Variants in SNRPD3 observed in about 807,000 individuals in gnomAD.
SNRPD3 encodes small nuclear ribonucleoprotein Sm D3.
For synonymous variants in SNRPD3, 66 were observed against 58.4 expected (o/e 1.13, Z -0.59); for missense variants, 73 against 167.5 (o/e 0.44, Z 3.11).
At chr22:24,557,846 G>A in intron 2 of SNRPD3, 46 bp downstream of exon 2, 3 of 1,563,756 alleles carry the variant, frequency 1.9e-6, no homozygotes, top group Non-Finnish European at 2.6e-6. Flanking sequence ...ATGGCCCTGT[G>A]TCTTGAAGGA....
chr22:24,561,059 C>CTTTTCTT (rs2045137013), intron 2 of SNRPD3, among the ~76,000 whole-genome samples: 1 of 93,286 alleles, frequency 1.1e-5, no homozygotes, highest in African/African-American at 4.6e-5. Flanking sequence ...TTTCCTTTTT[C>CTTTTCTT]TTTTCTTTTT....
intron 3 of SNRPD3, among the ~76,000 whole-genome samples, chr22:24,570,821 T>C (rs1471408368): frequency 1.1e-5 from 1 of 89,830 alleles, no homozygotes; most frequent in Non-Finnish European, 2.1e-5. Flanking sequence ...AATTCTTTTT[T>C]TTTTTTTTTT....
chr22:24,567,174 C>G (rs573448642), intron 2 of SNRPD3, among the ~76,000 whole-genome samples: 12 of 152,226 alleles, frequency 7.9e-5, no homozygotes, highest in Non-Finnish European at 1.8e-4. Context: ...AGAGTATGCA[C>G]TCTGGAGGGT....
Position 24,564,883 on chromosome 22 carries a change from C to CTTTTTTTTTTTTTTTTTTT in SNRPD3, c.127-3101_127-3100insTTTTTTTTTTTTTTTTTTT, listed in dbSNP as rs371010665. ...GCATTTAGACATACTTTGCCTTGTTCATTTTTTTTTTTTTTTTTTTGACAG... is the reference window on the plus strand; with the variant it reads ...GCATTTAGACATACTTTGCCTTGTTCTTTTTTTTTTTTTTTTTTTATTTTTTTTTTTTTTTTTTTGACAG... On this transcript the variant is annotated intron_variant, in intron 2 of 3. Coordinates refer to ENST00000215829, the MANE Select transcript of SNRPD3 (RefSeq NM_004175.5). 4.7e-5 allele frequency among the ~76,000 whole-genome samples: 6 copies of CTTTTTTTTTTTTTTTTTTT among 127,166 alleles called. 3 individuals carry two copies. Among genetic ancestry groups the CTTTTTTTTTTTTTTTTTTT allele is most frequent in the African/African-American group, 5.6e-5 (2 of 35,692 alleles). The allele number at this position is 127,166 out of a possible 152,430, so 83.4% of individuals were successfully genotyped here.
At chr22:24,561,342 G>A (rs942087727) in intron 2 of SNRPD3, among the ~76,000 whole-genome samples, 2 of 151,330 alleles carry the variant, frequency 1.3e-5, no homozygotes, top group Non-Finnish European at 2.9e-5. Context: ...TCAAACTCCT[G>A]GAATTACAGG....
At chr22:24,558,848 C>T (rs1012252662) in intron 2 of SNRPD3, among the ~76,000 whole-genome samples, 19 of 152,160 alleles carry the variant, frequency 1.2e-4, no homozygotes, top group Admixed American at 2.6e-4. Flanking sequence ...AGGCTGGCAA[C>T]ATGGGGAGAG....
intron 2 of SNRPD3, among the ~76,000 whole-genome samples, chr22:24,563,048 T>C (rs1164626749): frequency 6.6e-6 from 1 of 152,146 alleles, no homozygotes; most frequent in East Asian, 1.9e-4. Context: ...TATCCTGTTA[T>C]CTTAGCACTG....
upstream of SNRPD3, chr22:24,555,761 T>C (rs1469118404): frequency 6.4e-7 from 1 of 1,550,530 alleles, no homozygotes; most frequent in Admixed American, 2.0e-5. Context: ...CTTGGAAGTG[T>C]GAGCACCCTC....
intron 3 of SNRPD3, among the ~76,000 whole-genome samples, chr22:24,568,719 G>GCTACTTTTTGTGTTTTT (rs2045220234): frequency 6.6e-6 from 1 of 151,750 alleles, no homozygotes; most frequent in Non-Finnish European, 1.5e-5. Flanking sequence ...ACTGCGCCGG[G>GCTACTTTTTGTGTTTTT]CTACTTTTTG....
chr22:24,571,715 G>T (rs1257605434), intron 3 of SNRPD3, among the ~76,000 whole-genome samples: 1 of 151,510 alleles, frequency 6.6e-6, no homozygotes, highest in African/African-American at 2.4e-5. Context: ...CTGCACTCCA[G>T]CCTGGGTGAC....
In SNRPD3 at chr22:24,557,669, G is replaced by A; in HGVS notation, c.-6G>A. 3.1e-6 allele frequency: 5 copies of A among 1,611,802 alleles called. No individual in the cohort carries two copies. The highest frequency in any genetic ancestry group is 2.5e-6 in the Non-Finnish European group (3 of 1,178,688). The stretch of plus-strand genomic sequence containing the variant: ...TCTCTCATTGTAGAACTCTCTTCCT[G>A]CCAAGATGTCTATTGGTGTGCCGAT... On this transcript the variant is annotated 5_prime_UTR_variant, in exon 2 of 4. Transcript: ENST00000215829.
chr22:24,570,834 T>G (rs945152225), intron 3 of SNRPD3, among the ~76,000 whole-genome samples: 1 of 138,828 alleles, frequency 7.2e-6, no homozygotes, highest in African/African-American at 2.8e-5. Flanking sequence ...TTTTTTTTTT[T>G]TTGGAGACTG....
In SNRPD3 at chr22:24,557,806, C is replaced by G; in HGVS notation, c.126+6C>G. The G allele has an allele frequency of 6.2e-7, 1 of 1,604,888 alleles. No homozygotes were observed. On this transcript the variant is annotated splice_donor_region_variant and intron_variant, in intron 2 of 3. Transcript: ENST00000215829. ...AGGACAACATGAACTGCCAGGTATT[C>G]TGCTTTGCATGTGAGGCTGTGTGGG...
chr22:24,558,101 C>T (rs1163351421), intron 2 of SNRPD3: 1 of 206,294 alleles, frequency 4.8e-6, no homozygotes, highest in African/African-American at 2.3e-5. Context: ...CAGTAGAATC[C>T]TTCAGATTCA....
chr22:24,563,475 C>T (rs746498210), intron 2 of SNRPD3, among the ~76,000 whole-genome samples: 2 of 151,834 alleles, frequency 1.3e-5, no homozygotes, highest in Non-Finnish European at 2.9e-5. Flanking sequence ...GCACTGGTGG[C>T]CAGTGCTGCA....
At chr22:24,569,815 T>C (rs1404128427) in intron 3 of SNRPD3, among the ~76,000 whole-genome samples, 1 of 152,232 alleles carries the variant, frequency 6.6e-6, no homozygotes, top group Non-Finnish European at 1.5e-5. Context: ...TTTTATAGGC[T>C]ACAAATAAAC....
chr22:24,556,026 G>T lies in SNRPD3; in HGVS notation c.-64G>T, dbSNP rs1358943501. 9.6e-6 allele frequency: 6 copies of T among 627,288 alleles called. No individual in the cohort carries two copies. In the East Asian group the frequency reaches 1.6e-4, roughly 17 times the overall value. The allele number at this position is 627,288 out of a possible 1,614,324, so 38.9% of individuals were successfully genotyped here. A position where few individuals can be genotyped will look rare whatever the true frequency, so the allele number is the denominator to read the frequency against. On this transcript the variant is annotated 5_prime_UTR_variant, in exon 1 of 4. Coordinates refer to ENST00000215829, the MANE Select transcript of SNRPD3 (RefSeq NM_004175.5). Reference sequence around the variant, plus strand: ...TCGCTTGACTCACGCCTTCGCCGTAGCATCTTTCGCAGCGGACCGAAGAGA... The same window carrying T: ...TCGCTTGACTCACGCCTTCGCCGTATCATCTTTCGCAGCGGACCGAAGAGA...
At chr22:24,570,870 C>T (rs992663098) in intron 3 of SNRPD3, among the ~76,000 whole-genome samples, 2 of 136,302 alleles carry the variant, frequency 1.5e-5, no homozygotes, top group African/African-American at 5.5e-5. Context: ...GGCTGCAGTG[C>T]GGTGGCTTGA....
rs1446141895 is a variant in SNRPD3, at chr22:24,557,563, T to C, written c.-18-94T>C. 39 of 869,750 alleles carry C rather than the reference T, an allele frequency of 4.5e-5. No individual in the cohort carries two copies. The East Asian group carries it at 1.1e-3, about 24-fold the overall frequency. The allele number at this position is 869,750 out of a possible 1,614,324, so 53.9% of individuals were successfully genotyped here. On this transcript the variant is annotated intron_variant, in intron 1 of 3. Coordinates refer to ENST00000215829, the MANE Select transcript of SNRPD3 (RefSeq NM_004175.5). Reference sequence around the variant, plus strand: ...GCAGCTTTGGTGTTTTTGCTAAGTTTTATGGAGTGCCAGGCCTTAAAGGAA... The same window carrying C: ...GCAGCTTTGGTGTTTTTGCTAAGTTCTATGGAGTGCCAGGCCTTAAAGGAA...
Sources: gnomAD v4.1 joint callset for allele counts (sites outside exome capture counted in the v4.1 genomes callset) on GRCh38, gnomAD v4.1.1 for gene constraint, MANE v1.5 for transcripts, NCBI Gene and HGNC (gene_info 2026-07-23, HGNC 2026-07-21) for gene names.